Variants in CHRNB4 observed in about 807,000 individuals in gnomAD.
CHRNB4 encodes cholinergic receptor nicotinic beta 4 subunit, also known as neuronal acetylcholine receptor subunit beta-4.
Under a neutral mutation model 40.4 loss-of-function variants are expected in CHRNB4, and 23 were observed. The ratio of observed to expected loss-of-function variants is 0.57; its 90% CI spans 0.41 to 0.81. The LOEUF is 0.81. Among genes scored for constraint, CHRNB4 ranks in the 30% least tolerant of loss-of-function variants. CHRNB4 has a pLI of 0.00. For missense variants in CHRNB4, 568 were observed against 670.6 expected (o/e 0.85, Z 1.69); for synonymous variants, 285 against 274.4 (o/e 1.04, Z -0.38).
chr15:78,626,766 A>G (rs932238179), intron 5 of CHRNB4: 2 of 152,226 alleles, frequency 1.3e-5, no homozygotes, highest in African/African-American at 4.8e-5. Context: ...GCAGTAATGT[A>G]TGTCAGCTCC....
chr15:78,660,969 G>T (rs1387328345), upstream of CHRNB4: 9 of 450,062 alleles, frequency 2.0e-5, no homozygotes, highest in Non-Finnish European at 3.8e-5. Flanking sequence ...CAAGGGTGGG[G>T]TCCACATTTC....
exon 4 of CHRNB4, chr15:78,656,529 G>A (rs2054215159): frequency 6.6e-6 from 1 of 151,566 alleles, no homozygotes; most frequent in Non-Finnish European, 1.5e-5. Context: ...AAAATCACTT[G>A]TAGAATAAAG....
intron 5 of CHRNB4, among the ~76,000 whole-genome samples, chr15:78,655,032 G>A (rs2054201113): frequency 6.6e-6 from 1 of 152,088 alleles, no homozygotes; most frequent in Admixed American, 6.5e-5. Context: ...AGTGTTGTTT[G>A]TGTTCACTCA....
intron 5 of CHRNB4, among the ~76,000 whole-genome samples, chr15:78,654,428 T>A (rs541252926): frequency 6.6e-6 from 1 of 152,332 alleles, no homozygotes; most frequent in Non-Finnish European, 1.5e-5. Flanking sequence ...GCTAAGTGTA[T>A]CAGGTAAAGC....
In CHRNB4 at chr15:78,624,341, T is replaced by A. The variant is rs1159495110; in HGVS notation, c.*792A>T. 6.6e-6 allele frequency: 1 copy of A among 152,240 alleles called. No homozygotes were observed. Among genetic ancestry groups the A allele is most frequent in the African/African-American group, 2.4e-5 (1 of 41,174 alleles). The allele number at this position is 152,240 out of a possible 1,614,324, so 9.4% of individuals were successfully genotyped here. A position where few individuals can be genotyped will look rare whatever the true frequency, so the allele number is the denominator to read the frequency against. ...TGTAGGGAGGCTGCTTTAGAATGAT[T>A]GGGTGGTTAGGGAAGGCCTCTCAGA... is the stretch of plus-strand genomic sequence containing the variant. On this transcript the variant is annotated 3_prime_UTR_variant, in exon 6 of 6. Transcript: ENST00000261751.
upstream of CHRNB4, chr15:78,661,033 C>A: frequency 5.3e-6 from 3 of 564,274 alleles, no homozygotes; most frequent in Admixed American, 2.0e-5. Flanking sequence ...AGAGGGTAGG[C>A]GCCAGGGTTA....
chr15:78,634,597 G>A (rs1026474083), intron 2 of CHRNB4: 4 of 416,014 alleles, frequency 9.6e-6, no homozygotes, highest in Non-Finnish European at 1.9e-5. Context: ...TAGAGAGAGA[G>A]TCTGGCATTT....
intron 1 of CHRNB4, among the ~76,000 whole-genome samples, chr15:78,638,321 T>A (rs2053997859): frequency 6.6e-6 from 1 of 152,262 alleles, no homozygotes; most frequent in South Asian, 2.1e-4. Context: ...GACCACCAGC[T>A]GTGGGCTTGA....
chr15:78,627,197 A>C (rs2053677661), intron 5 of CHRNB4: 1 of 152,246 alleles, frequency 6.6e-6, no homozygotes. Flanking sequence ...AACCTAAGTA[A>C]TAGCGTGATC....
chr15:78,641,314 G>A, upstream of CHRNB4: 1 of 523,944 alleles, frequency 1.9e-6, no homozygotes, highest in Non-Finnish European at 3.2e-6. Context: ...TACTGGGCCC[G>A]CTGCTCCGCC....
chr15:78,647,678 C>G, intron 7 of CHRNB4, among the ~76,000 whole-genome samples: 1 of 130,858 alleles, frequency 7.6e-6, no homozygotes, highest in African/African-American at 3.0e-5. Flanking sequence ...AACCCCGTCT[C>G]TACTAAAAAT....
intron 7 of CHRNB4, among the ~76,000 whole-genome samples, chr15:78,647,565 A>G (rs1185385520): frequency 2.0e-5 from 3 of 151,710 alleles, no homozygotes; most frequent in Admixed American, 6.6e-5. Context: ...AAAGAGATTC[A>G]GCCGGGTGCA....
Position 78,629,012 on chromosome 15 carries a change from G to C in CHRNB4, c.1293C>G (p.Val431=). ...RQDVQEALEG[V]SFIAQHMKND... is the part of the protein sequence containing the mutation. The stretch of plus-strand genomic sequence containing the variant: ...TCTTCATGTGCTGGGCGATGAAGCT[G>C]ACACCTTCTAATGCCTCCTGCACAT... Residue 431 remains valine (V), a synonymous_variant, in exon 5 of 6, where the codon GTC becomes GTG. Transcript: ENST00000261751. The surrounding 1 kb of genome is among the most constrained non-coding windows in gnomAD (Gnocchi z 6.8). 1 of 1,614,070 alleles carries C rather than the reference G, an allele frequency of 6.2e-7. No homozygotes were observed. Among genetic ancestry groups the C allele is most frequent in the Non-Finnish European group, 8.5e-7 (1 of 1,180,014 alleles).
chr15:78,640,999 C>A, intron 1 of CHRNB4, 80 bp downstream of exon 1: 1 of 1,467,522 alleles, frequency 6.8e-7, no homozygotes, highest in Non-Finnish European at 9.2e-7. Flanking sequence ...GGCACCCTCC[C>A]TTCCCTCCCA....
intron 7 of CHRNB4, among the ~76,000 whole-genome samples, chr15:78,646,458 GTC>G (rs1168051347): frequency 1.3e-5 from 2 of 152,208 alleles, no homozygotes; most frequent in African/African-American, 2.4e-5. Context: ...CTGGGGTAGT[GTC>G]TTAGTGTGGG....
chr15:78,640,459 T>C (rs561271646), intron 1 of CHRNB4, among the ~76,000 whole-genome samples: 1 of 152,314 alleles, frequency 6.6e-6, no homozygotes, highest in African/African-American at 2.4e-5. Flanking sequence ...GAGGCAGCGG[T>C]GCCATAAAAT....
At chr15:78,645,369 C>T (rs1261006745), upstream of CHRNB4, among the ~76,000 whole-genome samples, 4 of 152,178 alleles carry the variant, frequency 2.6e-5, no homozygotes. Context: ...TGTATCCCTG[C>T]CTGGCATGCC....
At chr15:78,657,253 G>A (rs1596126774) in intron 3 of CHRNB4, 3 of 152,276 alleles carry the variant, frequency 2.0e-5, no homozygotes, top group Middle Eastern at 3.4e-3. Context: ...GACTTCAAGT[G>A]ATCTGCTCAC....
chr15:78,661,279 G>A (rs998839340), upstream of CHRNB4: 16 of 601,524 alleles, frequency 2.7e-5, no homozygotes, highest in African/African-American at 7.4e-5. Context: ...CTGAGGATGC[G>A]GCGGCAGCCC....
Sources: gnomAD v4.1 joint callset for allele counts (sites outside exome capture counted in the v4.1 genomes callset) on GRCh38, gnomAD v4.1.1 for gene constraint, Gnocchi (gnomAD v3.1) non-coding constraint, MANE v1.5 for transcripts, NCBI Gene and HGNC (gene_info 2026-07-23, HGNC 2026-07-21) for gene names.